The following SPIDR variants were observed in gnomAD, a reference collection of about 807,000 sequenced individuals.
SPIDR encodes the protein scaffold protein involved in DNA repair.
In SPIDR, 93 loss-of-function variants were observed where a neutral mutation model predicts 104.6. The observed-to-expected ratio is 0.89, with a 90% confidence interval of 0.75 to 1.06. SPIDR has a LOEUF of 1.06. SPIDR is among the 50% of genes least tolerant of loss of function. The pLI is 0.00. For missense variants in SPIDR, 1,154 were observed against 1,111.2 expected, an observed-to-expected ratio of 1.04 and a Z score of -0.55; for synonymous variants, 431 against 416.9, an observed-to-expected ratio of 1.03 and a Z score of -0.41.
At chr8:47,399,055 G>C (rs551574460) in intron 6 of SPIDR, among the ~76,000 whole-genome samples, 2 of 152,372 alleles carry the variant, frequency 1.3e-5, no homozygotes, top group African/African-American at 4.8e-5. Flanking sequence ...GAACTCTGGA[G>C]AAGTTTTGCT....
intron 8 of SPIDR, among the ~76,000 whole-genome samples, chr8:47,501,159 G>T (rs569411121): frequency 1.3e-5 from 2 of 152,144 alleles, no homozygotes; most frequent in Non-Finnish European, 2.9e-5. Context: ...CTTTAAAGTA[G>T]TTTTTTCCAA....
rs114713227 is a variant in SPIDR, at chr8:47,605,306, C to G, written c.1544+6110C>G. ...TAAAGTGAGCACTGAAAATCTGTGC[C>G]CCAGATTTGGGAGGAGTTGCTGGGT... On this transcript the variant is annotated intron_variant, in intron 10 of 19. Transcript: ENST00000297423. 2.6e-3 allele frequency among the ~76,000 whole-genome samples: 396 copies of G among 152,176 alleles called. 2 individuals carry two copies. The highest frequency in any genetic ancestry group is 8.7e-3 in the African/African-American group (363 of 41,516).
At chr8:47,709,512 G>A (rs1319713301) in intron 14 of SPIDR, among the ~76,000 whole-genome samples, 1 of 152,232 alleles carries the variant, frequency 6.6e-6, no homozygotes, top group Non-Finnish European at 1.5e-5. Flanking sequence ...CTGACCTCAA[G>A]TGATCCACCC....
chr8:47,491,995 G>A lies in SPIDR; in HGVS notation c.1097+51453G>A, dbSNP rs547436489. ...GGCCAGGCAGTACAGGAGGAACGAG[G>A]TGACGCTGTCTTATGGTTAACCATG... On this transcript the variant is annotated intron_variant, in intron 8 of 19. Coordinates refer to ENST00000297423, the MANE Select transcript of SPIDR (RefSeq NM_001080394.4). 2.0e-5 allele frequency among the ~76,000 whole-genome samples: 3 copies of A among 152,334 alleles called. No homozygotes were observed. In the South Asian group the frequency reaches 6.2e-4, roughly 32 times the overall value.
In SPIDR at chr8:47,643,720, T is replaced by C. The variant is rs534564906; in HGVS notation, c.1545-30081T>C. Among the ~76,000 whole-genome samples, 3 of 152,322 alleles carry C rather than the reference T, an allele frequency of 2.0e-5. No homozygotes were observed. In the East Asian group the frequency reaches 5.8e-4, roughly 29 times the overall value. ...TCAATAATTAGTGGAATATTTCCTATGTATATTATATACACAAAAAAGCAT... is the reference window on the plus strand; with the variant it reads ...TCAATAATTAGTGGAATATTTCCTACGTATATTATATACACAAAAAAGCAT... On this transcript the variant is annotated intron_variant, in intron 10 of 19. Coordinates refer to ENST00000297423, the MANE Select transcript of SPIDR (RefSeq NM_001080394.4).
intron 8 of SPIDR, among the ~76,000 whole-genome samples, chr8:47,550,039 T>C (rs1332810964): frequency 1.3e-5 from 2 of 152,232 alleles, no homozygotes; most frequent in East Asian, 1.9e-4. Flanking sequence ...TCCCCATTTC[T>C]TGTTTTTGTC....
rs188993580 is a variant in SPIDR, at chr8:47,632,316, G to A, written c.1544+33120G>A. Among the ~76,000 whole-genome samples the A allele has an allele frequency of 2.6e-3, 395 of 152,088 alleles. 3 individuals are homozygous for A. Among genetic ancestry groups the A allele is most frequent in the Admixed American group, 4.9e-3 (75 of 15,262 alleles). On this transcript the variant is annotated intron_variant, in intron 10 of 19. Transcript: ENST00000297423. ...AGTTAACACATGGTACCCAGGCCTG[G>A]GCTAGGCTTGGCAAAATGCAAAATG...
rs1169101682 is a variant in SPIDR, at chr8:47,502,210, G to T, written c.1097+61668G>T. On this transcript the variant is annotated intron_variant, in intron 8 of 19. Coordinates refer to ENST00000297423, the MANE Select transcript of SPIDR (RefSeq NM_001080394.4). ...TCTGTTGATTGGAATAGTTTCAGAA[G>T]GAATGGTACCAGCTCCTCCTTGTAC... is the stretch of plus-strand genomic sequence containing the variant. Among the ~76,000 whole-genome samples the T allele has an allele frequency of 2.6e-5, 4 of 152,342 alleles. No individual in the cohort carries two copies. In the East Asian group the frequency reaches 5.8e-4, roughly 22 times the overall value.
At chr8:47,474,155 G>C (rs1184690734) in intron 8 of SPIDR, among the ~76,000 whole-genome samples, 3 of 152,122 alleles carry the variant, frequency 2.0e-5, no homozygotes, top group African/African-American at 7.2e-5. Context: ...TGACCAAAAG[G>C]AAAAATATCA....
At chr8:47,467,582 A>G (rs1179939555) in intron 8 of SPIDR, among the ~76,000 whole-genome samples, 1 of 152,238 alleles carries the variant, frequency 6.6e-6, no homozygotes, top group Non-Finnish European at 1.5e-5. Flanking sequence ...AATGTGATCC[A>G]TTACATAAAC....
At chr8:47,523,140 A>G (rs2084428433) in intron 8 of SPIDR, among the ~76,000 whole-genome samples, 1 of 152,238 alleles carries the variant, frequency 6.6e-6, no homozygotes, top group African/African-American at 2.4e-5. Context: ...CTACAGGCAT[A>G]GCGAGCCACC....
chr8:47,638,054 G>GT (rs925313490), intron 10 of SPIDR, among the ~76,000 whole-genome samples: 2 of 151,788 alleles, frequency 1.3e-5, no homozygotes, highest in African/African-American at 4.8e-5. Context: ...CATTGTTCCA[G>GT]TTTTTTTCCC....
intron 8 of SPIDR, among the ~76,000 whole-genome samples, chr8:47,495,381 T>A: frequency 6.8e-6 from 1 of 146,332 alleles, no homozygotes; most frequent in Non-Finnish European, 1.5e-5. Flanking sequence ...CTTTACCCCC[T>A]CCCACCCAAA....
Position 47,519,062 on chromosome 8 carries a change from T to C in SPIDR, c.1098-76749T>C, listed in dbSNP as rs557627643. ...CTATAGGTTGGAAATAATTTAATAATGCCAAGTACATATGATCAAGAAAAT... is the reference window on the plus strand; with the variant it reads ...CTATAGGTTGGAAATAATTTAATAACGCCAAGTACATATGATCAAGAAAAT... On this transcript the variant is annotated intron_variant, in intron 8 of 19. Transcript: ENST00000297423. 2.5e-4 allele frequency among the ~76,000 whole-genome samples: 38 copies of C among 152,344 alleles called. No individual in the cohort carries two copies. In the South Asian group the frequency reaches 7.5e-3, roughly 30 times the overall value.
Position 47,291,025 on chromosome 8 carries a change from T to C in SPIDR, c.257-8T>C, listed in dbSNP as rs2039820835. Reference sequence around the variant, plus strand: ...ATCATATTTATGTGCTTTCTTTTCCTTCAACAGAAACCACCACATCTAAAA... The same window carrying C: ...ATCATATTTATGTGCTTTCTTTTCCCTCAACAGAAACCACCACATCTAAAA... On this transcript the variant is annotated splice_region_variant and splice_polypyrimidine_tract_variant and intron_variant, in intron 3 of 19. Coordinates refer to ENST00000297423, the MANE Select transcript of SPIDR (RefSeq NM_001080394.4). The C allele has an allele frequency of 1.3e-6, 2 of 1,598,862 alleles. No homozygotes were observed. Among genetic ancestry groups the C allele is most frequent in the African/African-American group, 2.7e-5 (2 of 74,594 alleles).
At position 47,551,691 on chromosome 8, in the gene SPIDR, A is replaced by G. The variant is rs183122904; in HGVS notation, c.1098-44120A>G. On this transcript the variant is annotated intron_variant, in intron 8 of 19. Coordinates refer to ENST00000297423, the MANE Select transcript of SPIDR (RefSeq NM_001080394.4). ...TCTTTATCAGTCTTGCTAGCGGTCT[A>G]TCAATTTTGTCGATCATTTCAAAAA... Among the ~76,000 whole-genome samples, 28 of 152,138 alleles carry G rather than the reference A, an allele frequency of 1.8e-4. 1 individual carries two copies. Among genetic ancestry groups the G allele is most frequent in the African/African-American group, 6.0e-4 (25 of 41,506 alleles).
intron 5 of SPIDR, among the ~76,000 whole-genome samples, chr8:47,356,378 C>G (rs962356311): frequency 3.9e-5 from 6 of 152,174 alleles, no homozygotes; most frequent in Non-Finnish European, 5.9e-5. Flanking sequence ...AAGGCCCCCT[C>G]AGAGTGCTCA....
At chr8:47,610,574 C>CT (rs2063480471) in intron 10 of SPIDR, among the ~76,000 whole-genome samples, 1 of 152,196 alleles carries the variant, frequency 6.6e-6, no homozygotes, top group African/African-American at 2.4e-5. Flanking sequence ...ACCCAGAGCA[C>CT]TTGGTGCAGC....
At chr8:47,265,752 A>T (rs2033828071) in intron 1 of SPIDR, among the ~76,000 whole-genome samples, 1 of 152,156 alleles carries the variant, frequency 6.6e-6, no homozygotes, top group Non-Finnish European at 1.5e-5. Context: ...TGTGAGTAAT[A>T]TAGAGAATAA....
Sources: allele counts gnomAD v4.1 joint callset (sites outside exome capture counted in the v4.1 genomes callset), GRCh38; gene constraint gnomAD v4.1.1; transcripts MANE v1.5; gene names NCBI Gene and HGNC (gene_info 2026-07-23, HGNC 2026-07-21).